MGAT4C: variants seen among roughly 807,000 people sequenced by gnomAD.
The protein encoded by MGAT4C is MGAT4 family member C, also known as alpha-1,3-mannosyl-glycoprotein 4-beta-N-acetylglucosaminyltransferase C.
A neutral mutation model predicts 40.1 loss-of-function variants in MGAT4C; 19 were observed. The observed-to-expected ratio is 0.47, with a 90% CI of 0.33 to 0.70. The LOEUF (loss-of-function observed/expected upper bound fraction) is 0.70, where lower values mean the gene tolerates loss of function less well. Ranked by LOEUF, MGAT4C falls within the 30% of genes least tolerant of loss-of-function variation. The pLI, the probability that MGAT4C is intolerant of heterozygous loss-of-function variation, is 0.02. For synonymous variants in MGAT4C, 181 were observed against 187.1 expected (o/e 0.97, Z 0.27); for missense variants, 491 against 563.2 (o/e 0.87, Z 1.30).
intron 2 of MGAT4C, among the ~76,000 whole-genome samples, chr12:86,630,993 A>G (rs1257312868): frequency 6.6e-6 from 1 of 152,196 alleles, no homozygotes; most frequent in African/African-American, 2.4e-5. Flanking sequence ...ATGATGGTAT[A>G]TTTAGAAAAC....
intron 4 of MGAT4C, among the ~76,000 whole-genome samples, chr12:86,326,124 T>C (rs888908279): frequency 6.6e-6 from 1 of 151,976 alleles, no homozygotes; most frequent in Non-Finnish European, 1.5e-5. Flanking sequence ...GAGGATTATG[T>C]GAGATAAAAT....
intron 2 of MGAT4C, among the ~76,000 whole-genome samples, chr12:86,468,785 G>A (rs1015080941): frequency 6.6e-6 from 1 of 151,968 alleles, no homozygotes; most frequent in Non-Finnish European, 1.5e-5. Context: ...TGCCTAGTGT[G>A]CTTTTCTTCT....
At chr12:86,257,445 C>T (rs948643249), upstream of MGAT4C, among the ~76,000 whole-genome samples, 10 of 152,216 alleles carry the variant, frequency 6.6e-5, no homozygotes, top group African/African-American at 1.7e-4. Flanking sequence ...AGGGCAAGCC[C>T]TTTGAAAGCT....
intron 2 of MGAT4C, among the ~76,000 whole-genome samples, chr12:86,533,523 T>C (rs1959017828): frequency 6.6e-6 from 1 of 151,962 alleles, no homozygotes. Flanking sequence ...ACAGTCATAT[T>C]GAATATCTAA....
At position 86,269,571 on chromosome 12, in the gene MGAT4C, T is replaced by C. The variant is rs530316132; in HGVS notation, c.-57+64494A>G. ...CCAATTCAGGTTTTTTTGTTTTTTT[T>C]TTTCCTGGTTGCCAGGTGTAGAAGA... On this transcript the variant is annotated intron_variant, in intron 4 of 7. Transcript: ENST00000548651. Among the ~76,000 whole-genome samples, 3 of 151,918 alleles carry C rather than the reference T, an allele frequency of 2.0e-5. No individual in the cohort carries two copies. The South Asian group carries it at 6.2e-4, about 31-fold the overall frequency.
intron 2 of MGAT4C, among the ~76,000 whole-genome samples, chr12:86,533,370 T>A (rs776468649): frequency 1.3e-5 from 2 of 152,122 alleles, no homozygotes; most frequent in South Asian, 4.1e-4. Flanking sequence ...TATAGCCCAT[T>A]CTGTGGAGAA....
chr12:86,528,690 T>C (rs746725105), intron 2 of MGAT4C, among the ~76,000 whole-genome samples: 21 of 152,112 alleles, frequency 1.4e-4, no homozygotes, highest in Non-Finnish European at 2.8e-4. Flanking sequence ...TAGAAAAATA[T>C]AATCATAAGT....
intron 3 of MGAT4C, among the ~76,000 whole-genome samples, chr12:86,340,046 G>A (rs920470631): frequency 2.0e-5 from 3 of 152,142 alleles, no homozygotes; most frequent in African/African-American, 7.2e-5. Context: ...ATATTAATAA[G>A]TGAGTAGATA....
At chr12:86,244,904 T>C (rs1951960649) in intron 1 of MGAT4C, among the ~76,000 whole-genome samples, 1 of 152,156 alleles carries the variant, frequency 6.6e-6, no homozygotes, top group African/African-American at 2.4e-5. Context: ...AGGGACAGCA[T>C]TTATCCAGCA....
At chr12:86,730,407 T>C (rs1950889049) in intron 1 of MGAT4C, among the ~76,000 whole-genome samples, 1 of 150,976 alleles carries the variant, frequency 6.6e-6, no homozygotes, top group Admixed American at 6.6e-5. Flanking sequence ...AGAAAAAACA[T>C]GTACAAACAT....
At chr12:86,707,548 T>G (rs1950482534) in intron 2 of MGAT4C, among the ~76,000 whole-genome samples, 1 of 151,222 alleles carries the variant, frequency 6.6e-6, no homozygotes, top group South Asian at 2.1e-4. Flanking sequence ...TTTTTTTAAT[T>G]GAGGTGGAGT....
At position 86,225,615 on chromosome 12, in the gene MGAT4C, T is replaced by C. The variant is rs74570836; in HGVS notation, c.-57+30624A>G. 0.021 allele frequency among the ~76,000 whole-genome samples: 3,137 copies of C among 152,250 alleles called. 225 individuals carry two copies. The East Asian group carries it at 0.24, about 12-fold the overall frequency. ...ATGCACCATGATAAAGTGTGATATA[T>C]TTCACAGATACAAGGGTGGTTCAAC... On this transcript the variant is annotated intron_variant, in intron 1 of 4. Coordinates refer to ENST00000611864, the MANE Select transcript of MGAT4C (RefSeq NM_001351288.2).
chr12:86,421,350 T>C (rs1400185228), intron 3 of MGAT4C, among the ~76,000 whole-genome samples: 1 of 152,220 alleles, frequency 6.6e-6, no homozygotes, highest in Non-Finnish European at 1.5e-5. Context: ...AAATTCATTA[T>C]TCTTTACATA....
intron 2 of MGAT4C, among the ~76,000 whole-genome samples, chr12:86,587,175 A>T (rs1204009461): frequency 6.6e-6 from 1 of 151,948 alleles, no homozygotes; most frequent in Non-Finnish European, 1.5e-5. Flanking sequence ...ACATATGGCT[A>T]GCCAGTTTTC....
chr12:86,212,659 C>T (rs1327212355), intron 1 of MGAT4C, among the ~76,000 whole-genome samples: 3 of 147,684 alleles, frequency 2.0e-5, no homozygotes, highest in Admixed American at 6.8e-5. Flanking sequence ...GAGGCCGAGG[C>T]GGGCGGATCA....
intron 2 of MGAT4C, among the ~76,000 whole-genome samples, chr12:86,560,145 T>C (rs1254180103): frequency 1.3e-5 from 2 of 151,918 alleles, no homozygotes; most frequent in African/African-American, 2.4e-5. Context: ...ATTACAACAT[T>C]GACAACATCT....
At chr12:86,231,303 C>A (rs771897618) in intron 1 of MGAT4C, among the ~76,000 whole-genome samples, 4 of 152,100 alleles carry the variant, frequency 2.6e-5, no homozygotes, top group Non-Finnish European at 5.9e-5. Flanking sequence ...AGGCAAGATC[C>A]ATTAAAATTA....
chr12:86,533,191 G>A (rs1565831024), intron 2 of MGAT4C, among the ~76,000 whole-genome samples: 1 of 152,026 alleles, frequency 6.6e-6, no homozygotes, highest in African/African-American at 2.4e-5. Flanking sequence ...TAACTGCAAA[G>A]TAGTCAGCCA....
At chr12:86,372,355 T>A (rs1955734837) in intron 3 of MGAT4C, among the ~76,000 whole-genome samples, 2 of 151,874 alleles carry the variant, frequency 1.3e-5, no homozygotes, top group African/African-American at 4.8e-5. Flanking sequence ...GTATCTTAAT[T>A]CTATAATATG....
Sources: allele counts gnomAD v4.1 joint callset (sites outside exome capture counted in the v4.1 genomes callset), GRCh38; gene constraint gnomAD v4.1.1; transcripts MANE v1.5; gene names NCBI Gene and HGNC (gene_info 2026-07-23, HGNC 2026-07-21).